The following ZNF469 variants were observed in gnomAD, a reference collection of about 807,000 sequenced individuals.
ZNF469 encodes zinc finger protein 469.
In ZNF469, 1 loss-of-function variant was observed where a neutral mutation model predicts 1.0. That is an observed-to-expected ratio of 1.00 (90% CI 0.35 to 4.73). The LOEUF is 4.73. Among genes scored for constraint, ZNF469 ranks in the 30% most tolerant of loss-of-function variants. The pLI, the probability that ZNF469 is intolerant of heterozygous loss-of-function variation, is 0.16. For missense variants in ZNF469, 6,100 were observed against 5,356.3 expected, an observed-to-expected ratio of 1.14 and a Z score of -4.33; for synonymous variants, 2,703 against 2,363.4, an observed-to-expected ratio of 1.14 and a Z score of -4.17.
Position 88,430,961 on chromosome 16 carries a change from GC to G in ZNF469, c.3495del (p.Gly1166AlafsTer98). On this transcript the variant is annotated frameshift_variant, in exon 3 of 3. Coordinates refer to ENST00000565624, the MANE Select transcript of ZNF469 (RefSeq NM_001367624.2). LOFTEE classifies it low-confidence loss of function (END_TRUNC). ...GAGGAGCCGGGCGGGTCTCGCCCGG[GC>G]CCCGGCAGGAGCCCTCAGGCCCGTG... is the stretch of plus-strand genomic sequence containing the variant. ...NPEEPGGSRP[G>X]PGRSPQARGP... is the part of the protein sequence containing the mutation. 2 of 1,536,268 alleles carry G rather than the reference GC, an allele frequency of 1.3e-6. No individual in the cohort carries two copies. Among genetic ancestry groups the G allele is most frequent in the Non-Finnish European group, 8.7e-7 (1 of 1,145,088 alleles).
the ZNF469 span, among the ~76,000 whole-genome samples, chr16:88,202,244 T>A: frequency 1.3e-5 from 2 of 152,112 alleles, no homozygotes; most frequent in Non-Finnish European, 2.9e-5. Flanking sequence ...GTGGCTGCAC[T>A]GTGAGGCAGA....
In ZNF469 at chr16:88,432,052, T is replaced by C. The variant is rs1906230706; in HGVS notation, c.4582T>C (p.Cys1528Arg). Residue 1528 changes from cysteine (C) to arginine (R), a missense_variant, in exon 3 of 3, where the codon TGT (cysteine) becomes CGT (arginine). Cys to Arg is a radical substitution (Grantham distance 180). Coordinates refer to ENST00000565624, the MANE Select transcript of ZNF469 (RefSeq NM_001367624.2). ...LSGGKVLSKT[C>R]PPERTVVPGA... ...GGGGGGAAAGGTGCTCAGTAAGACGTGTCCCCCTGAACGGACAGTGGTTCC... is the reference window on the plus strand; with the variant it reads ...GGGGGGAAAGGTGCTCAGTAAGACGCGTCCCCCTGAACGGACAGTGGTTCC... 6.4e-7 allele frequency: 1 copy of C among 1,550,556 alleles called. No homozygotes were observed. Among genetic ancestry groups the C allele is most frequent in the Non-Finnish European group, 8.7e-7 (1 of 1,146,998 alleles).
At chr16:88,131,284 G>A in the ZNF469 span, among the ~76,000 whole-genome samples, 1,990 of 145,824 alleles carry the variant, frequency 0.014, no homozygotes, top group African/African-American at 0.048. Context: ...AATGAAAAAC[G>A]AAACAAAAGA....
At chr16:88,328,581 G>C in the ZNF469 span, among the ~76,000 whole-genome samples, 5 of 152,188 alleles carry the variant, frequency 3.3e-5, no homozygotes, top group African/African-American at 9.7e-5. Context: ...ATCTTTGTGG[G>C]GTCCAGGGCC....
At chr16:88,351,033 C>T in the ZNF469 span, among the ~76,000 whole-genome samples, 3 of 152,350 alleles carry the variant, frequency 2.0e-5, no homozygotes, top group East Asian at 3.9e-4. Context: ...CGACCTGCCG[C>T]GCTCCCCCGG....
At chr16:88,416,524 G>A (rs1905304615) in intron 1 of ZNF469, among the ~76,000 whole-genome samples, 1 of 152,152 alleles carries the variant, frequency 6.6e-6, no homozygotes, top group Admixed American at 6.5e-5. Flanking sequence ...GCAAGCTCTG[G>A]GCCTAGCCGG....
chr16:88,336,010 C>T, the ZNF469 span, among the ~76,000 whole-genome samples: 1 of 152,002 alleles, frequency 6.6e-6, no homozygotes. Context: ...CACACATGTT[C>T]ATCCTTCATG....
At chr16:88,148,947 G>A in the ZNF469 span, among the ~76,000 whole-genome samples, 1 of 152,178 alleles carries the variant, frequency 6.6e-6, no homozygotes, top group African/African-American at 2.4e-5. Flanking sequence ...CTCTGGCCGT[G>A]GCTGGGTGGC....
the ZNF469 span, among the ~76,000 whole-genome samples, chr16:88,274,352 C>T: frequency 6.6e-6 from 1 of 152,274 alleles, no homozygotes; most frequent in East Asian, 1.9e-4. Context: ...ATGCCGGAAA[C>T]GTGTTTGATG....
At chr16:88,271,405 A>G in the ZNF469 span, among the ~76,000 whole-genome samples, 1 of 133,784 alleles carries the variant, frequency 7.5e-6, no homozygotes, top group Non-Finnish European at 1.7e-5. Context: ...CTAGACTAGA[A>G]CAGCCCAGAC....
intron 1 of ZNF469, among the ~76,000 whole-genome samples, chr16:88,406,733 G>T (rs992785806): frequency 6.6e-6 from 1 of 152,220 alleles, no homozygotes. Flanking sequence ...CTCTCTGTGT[G>T]TGTGCGCCTG....
chr16:88,246,664 G>A, the ZNF469 span, among the ~76,000 whole-genome samples: 1 of 152,250 alleles, frequency 6.6e-6, no homozygotes, highest in East Asian at 1.9e-4. Flanking sequence ...ATGCTGATCT[G>A]CAGGTACAGG....
the ZNF469 span, among the ~76,000 whole-genome samples, chr16:88,120,306 G>A: frequency 6.6e-6 from 1 of 152,234 alleles, no homozygotes; most frequent in Non-Finnish European, 1.5e-5. Flanking sequence ...GGAGGCCCAG[G>A]CCCCTGCCTT....
At chr16:88,208,803 A>ACACACACACACACACT in the ZNF469 span, among the ~76,000 whole-genome samples, 43 of 123,654 alleles carry the variant, frequency 3.5e-4, no homozygotes, top group African/African-American at 1.3e-3. Flanking sequence ...ACACACACAC[A>ACACACACACACACACT]CTCTCTCTCT....
the ZNF469 span, among the ~76,000 whole-genome samples, chr16:88,365,958 G>A: frequency 2.3e-3 from 351 of 152,268 alleles, 2 homozygotes; most frequent in African/African-American, 7.8e-3. Flanking sequence ...AGTGCCCCCT[G>A]CAGAAATCTG....
the ZNF469 span, among the ~76,000 whole-genome samples, chr16:88,229,864 C>T: frequency 6.6e-6 from 1 of 152,210 alleles, no homozygotes; most frequent in Non-Finnish European, 1.5e-5. Context: ...GCAGGGACCC[C>T]CCAGCAGGTG....
chr16:88,386,393 C>G (rs2092536853), intron 1 of ZNF469, among the ~76,000 whole-genome samples: 2 of 152,158 alleles, frequency 1.3e-5, no homozygotes, highest in African/African-American at 4.8e-5. Context: ...CGCCCCATCT[C>G]CACCGGCGAC....
At chr16:88,263,144 G>A in the ZNF469 span, among the ~76,000 whole-genome samples, 1 of 152,334 alleles carries the variant, frequency 6.6e-6, no homozygotes, top group East Asian at 1.9e-4. Flanking sequence ...GGAGCTTGCT[G>A]GCACTGGTCT....
chr16:88,239,294 T>G, the ZNF469 span, among the ~76,000 whole-genome samples: 1 of 152,144 alleles, frequency 6.6e-6, no homozygotes, highest in African/African-American at 2.4e-5. Flanking sequence ...AGTAGTTGTT[T>G]TAATTATTTC....
Sources: gnomAD v4.1 joint callset for allele counts (sites outside exome capture counted in the v4.1 genomes callset) on GRCh38, gnomAD v4.1.1 for gene constraint, MANE v1.5 for transcripts, NCBI Gene and HGNC (gene_info 2026-07-23, HGNC 2026-07-21) for gene names.